The following NOL4L variants were observed in gnomAD, a reference collection of about 807,000 sequenced individuals.
The protein encoded by NOL4L is nucleolar protein 4 like.
NOL4L carries 7 observed loss-of-function variants against 64.5 expected under a neutral mutation model. The ratio of observed to expected loss-of-function variants is 0.11; its 90% CI spans 0.06 to 0.20. The LOEUF is 0.20. Ranked by LOEUF, NOL4L falls within the 10% of genes least tolerant of loss-of-function variation. The pLI, the probability that NOL4L is intolerant of heterozygous loss-of-function variation, is 1.00. For synonymous variants in NOL4L, 413 were observed against 401.0 expected (o/e 1.03, Z -0.36); for missense variants, 680 against 967.1 (o/e 0.70, Z 3.94).
At position 32,584,992 on chromosome 20, in the gene NOL4L, G is replaced by T; in HGVS notation, c.-102C>A. The T allele has an allele frequency of 1.6e-6, 1 of 640,564 alleles. No homozygotes were observed. The highest frequency in any genetic ancestry group is 1.9e-6 in the Non-Finnish European group (1 of 515,632). The allele number at this position is 640,564 out of a possible 1,614,324, so 39.7% of individuals were successfully genotyped here. A position where few individuals can be genotyped will look rare whatever the true frequency, so the allele number is the denominator to read the frequency against. The stretch of plus-strand genomic sequence containing the variant: ...CTGGACCGGGCCGGGACGCGCCGCG[G>T]CCGCGTCTGTCCCGCGGTGTGGCTC... On this transcript the variant is annotated 5_prime_UTR_variant, in exon 1 of 11. Coordinates refer to ENST00000621426, the MANE Select transcript of NOL4L (RefSeq NM_001256798.2).
chr20:32,536,264 G>A (rs2018519417), intron 1 of NOL4L: 1 of 985,430 alleles, frequency 1.0e-6, no homozygotes, highest in African/African-American at 1.7e-5. Flanking sequence ...GCGGAAGGAG[G>A]TAGCCCTGAG....
chr20:32,449,597 G>T (rs2012666539), intron 10 of NOL4L, among the ~76,000 whole-genome samples: 1 of 152,238 alleles, frequency 6.6e-6, no homozygotes, highest in Non-Finnish European at 1.5e-5. Flanking sequence ...CCTTGGAATT[G>T]AGAGTTAAGG....
At chr20:32,567,112 CAG>C (rs1463246774) in intron 1 of NOL4L, among the ~76,000 whole-genome samples, 2 of 152,188 alleles carry the variant, frequency 1.3e-5, no homozygotes, top group Admixed American at 6.5e-5. Flanking sequence ...TTGCTAGAAT[CAG>C]GGGTGCAGGA....
chr20:32,532,408 A>G (rs1405797159), intron 1 of NOL4L: 1 of 984,800 alleles, frequency 1.0e-6, no homozygotes, highest in African/African-American at 1.7e-5. Context: ...GTGGCCTTCA[A>G]GGAGAACCCT....
chr20:32,539,530 C>A (rs1320713900), intron 1 of NOL4L, among the ~76,000 whole-genome samples: 1 of 152,208 alleles, frequency 6.6e-6, no homozygotes, highest in East Asian at 1.9e-4. Flanking sequence ...TGGGCACACA[C>A]AGGCCTTCCC....
rs2013098300 is a variant in NOL4L at position 32,453,075 on chromosome 20, C to T, written c.1498-69G>A. The T allele has an allele frequency of 6.3e-7, 1 of 1,593,400 alleles. No homozygotes were observed. Among genetic ancestry groups the T allele is most frequent in the Non-Finnish European group, 8.5e-7 (1 of 1,171,714 alleles). On this transcript the variant is annotated intron_variant, in intron 8 of 10. Coordinates refer to ENST00000621426, the MANE Select transcript of NOL4L (RefSeq NM_001256798.2). The surrounding 1 kb of genome is among the most constrained non-coding windows in gnomAD (Gnocchi z 5.6). ...GCCCTGGGCTTGTGCAGAGACCCTGCCCCAGGGGTGGGTGGCACAGGGTGG... is the reference window on the plus strand; with the variant it reads ...GCCCTGGGCTTGTGCAGAGACCCTGTCCCAGGGGTGGGTGGCACAGGGTGG...
chr20:32,477,743 C>A (rs1451334936), intron 4 of NOL4L, among the ~76,000 whole-genome samples: 2 of 152,228 alleles, frequency 1.3e-5, no homozygotes, highest in Non-Finnish European at 2.9e-5. Context: ...CTCCCTCCTG[C>A]CGCTGCCAGC....
intron 3 of NOL4L, among the ~76,000 whole-genome samples, chr20:32,520,527 G>A (rs995581156): frequency 5.9e-5 from 9 of 152,228 alleles, no homozygotes; most frequent in Non-Finnish European, 1.2e-4. Context: ...ACTGGAATCC[G>A]GCTGGGAGGA....
chr20:32,456,090 A>G (rs761748113), intron 6 of NOL4L, 28 bp downstream of exon 6: 1 of 1,469,584 alleles, frequency 6.8e-7, no homozygotes, highest in East Asian at 2.6e-5. Context: ...TACAGAAAGA[A>G]ATGGACTCAG....
Position 32,504,758 on chromosome 20 carries a change from C to T in NOL4L, c.699+6589G>A, listed in dbSNP as rs959518202. Among the ~76,000 whole-genome samples, 3 of 152,010 alleles carry T rather than the reference C, an allele frequency of 2.0e-5. No homozygotes were observed. The East Asian group carries it at 5.9e-4, about 30-fold the overall frequency. On this transcript the variant is annotated intron_variant, in intron 4 of 10. Transcript: ENST00000621426. ...AGCTGGGACTACAAGCACGTGCCAC[C>T]ATGCCCAGCTAATTTTTGTATTTTT...
intron 1 of NOL4L, among the ~76,000 whole-genome samples, chr20:32,584,007 G>A (rs1386264357): frequency 6.7e-6 from 1 of 148,606 alleles, no homozygotes; most frequent in Non-Finnish European, 1.5e-5. Flanking sequence ...CCCCGGGTGG[G>A]GTCGGGGCGA....
chr20:32,540,269 CCA>C (rs142435068), intron 1 of NOL4L, among the ~76,000 whole-genome samples: 1 of 152,084 alleles, frequency 6.6e-6, no homozygotes, highest in Non-Finnish European at 1.5e-5. Context: ...TCTGACACAG[CCA>C]CACACACACA....
At chr20:32,535,719 T>G (rs2018499183) in intron 1 of NOL4L, 1 of 985,248 alleles carries the variant, frequency 1.0e-6, no homozygotes, top group Non-Finnish European at 1.2e-6. Flanking sequence ...TTCTCTTTCT[T>G]TTGGGTTTTG....
At chr20:32,459,380 A>AT (rs35851647) in intron 5 of NOL4L, among the ~76,000 whole-genome samples, 3,614 of 121,288 alleles carry the variant, frequency 0.03, 128 homozygotes, top group African/African-American at 0.085. Flanking sequence ...CGCTTGGCTA[A>AT]TTTTTTTTTT....
At chr20:32,554,399 G>A (rs186530141) in intron 1 of NOL4L, among the ~76,000 whole-genome samples, 2 of 151,498 alleles carry the variant, frequency 1.3e-5, no homozygotes, top group African/African-American at 4.9e-5. Flanking sequence ...GAAGGCGCTT[G>A]TCACAGGCTG....
intron 5 of NOL4L, among the ~76,000 whole-genome samples, chr20:32,462,039 G>A (rs1251715116): frequency 2.2e-4 from 34 of 152,168 alleles, no homozygotes; most frequent in Admixed American, 2.2e-3. Flanking sequence ...TGGTAATAGC[G>A]TGTGACCAAG....
At chr20:32,535,240 G>C (rs114556559) in intron 1 of NOL4L, among the ~76,000 whole-genome samples, 1 of 150,554 alleles carries the variant, frequency 6.6e-6, no homozygotes, top group Non-Finnish European at 1.5e-5. Context: ...AATTTCTCTC[G>C]GTTCTGAATA....
intron 1 of NOL4L, among the ~76,000 whole-genome samples, chr20:32,583,160 C>T (rs916434486): frequency 1.3e-5 from 2 of 151,402 alleles, no homozygotes; most frequent in Non-Finnish European, 3.0e-5. Context: ...CGGTTATCAG[C>T]GCTCCTCGCA....
intron 1 of NOL4L, among the ~76,000 whole-genome samples, chr20:32,544,667 G>A (rs2018708303): frequency 1.3e-5 from 2 of 152,108 alleles, no homozygotes; most frequent in African/African-American, 4.8e-5. Context: ...CAGGCATCCT[G>A]GCCAGCTCCC....
Sources: gnomAD v4.1 joint callset for allele counts (sites outside exome capture counted in the v4.1 genomes callset) on GRCh38, gnomAD v4.1.1 for gene constraint, Gnocchi (gnomAD v3.1) non-coding constraint, MANE v1.5 for transcripts, NCBI Gene and HGNC (gene_info 2026-07-23, HGNC 2026-07-21) for gene names.